PRIM2: variants seen among roughly 807,000 people sequenced by gnomAD.
The protein encoded by PRIM2 is DNA primase subunit 2.
Under a neutral mutation model 67.3 loss-of-function variants are expected in PRIM2, and 39 were observed. The ratio of observed to expected loss-of-function variants is 0.58; its 90% confidence interval spans 0.45 to 0.76. The LOEUF (loss-of-function observed/expected upper bound fraction) is 0.76. Among genes scored for constraint, PRIM2 ranks in the 30% least tolerant of loss-of-function variants. PRIM2 has a pLI of 0.00. For synonymous variants in PRIM2, 143 were observed against 198.7 expected (o/e 0.72, Z 2.36); for missense variants, 398 against 598.7 (o/e 0.66, Z 3.50).
intron 10 of PRIM2, among the ~76,000 whole-genome samples, chr6:57,547,497 A>G (rs1234077531): frequency 6.6e-6 from 1 of 152,202 alleles, no homozygotes; most frequent in African/African-American, 2.4e-5. Context: ...CTCTATTTAA[A>G]GTATGAATAC....
chr6:57,563,622 G>A (rs1335757836), intron 10 of PRIM2, among the ~76,000 whole-genome samples: 16 of 152,144 alleles, frequency 1.1e-4, no homozygotes, highest in African/African-American at 3.9e-4. Flanking sequence ...CACTTTATCT[G>A]ACTTGTATAT....
intron 7 of PRIM2, among the ~76,000 whole-genome samples, chr6:57,469,199 G>A (rs1201519805): frequency 7.2e-5 from 11 of 152,236 alleles, no homozygotes; most frequent in African/African-American, 2.7e-4. Flanking sequence ...GCCATCCTGA[G>A]CCTGAGTTTC....
chr6:57,592,723 G>A (rs1471133636), intron 10 of PRIM2, among the ~76,000 whole-genome samples: 276 of 151,962 alleles, frequency 1.8e-3, no homozygotes, highest in African/African-American at 6.3e-3. Context: ...CCTGGGAGGC[G>A]GAGGTCTCAG....
chr6:57,226,109 G>A, the PRIM2 span, among the ~76,000 whole-genome samples: 3 of 152,040 alleles, frequency 2.0e-5, no homozygotes, highest in Non-Finnish European at 4.4e-5. Context: ...TTCAGTAATA[G>A]ACAAAAGGCA....
At chr6:57,356,277 C>T (rs1444993011) in intron 5 of PRIM2, among the ~76,000 whole-genome samples, 1 of 152,154 alleles carries the variant, frequency 6.6e-6, no homozygotes, top group Non-Finnish European at 1.5e-5. Flanking sequence ...ATAGTATTAC[C>T]TCATAACTTT....
At chr6:57,328,382 C>G (rs1404929890) in intron 5 of PRIM2, among the ~76,000 whole-genome samples, 2 of 152,202 alleles carry the variant, frequency 1.3e-5, no homozygotes, top group Non-Finnish European at 2.9e-5. Flanking sequence ...TTGGCAACCA[C>G]TAACCTGCTT....
intron 8 of PRIM2, among the ~76,000 whole-genome samples, chr6:57,529,044 C>T (rs1774828722): frequency 6.6e-6 from 1 of 152,200 alleles, no homozygotes; most frequent in Non-Finnish European, 1.5e-5. Context: ...GGCGCAGTGG[C>T]TCACGCCTGT....
intron 7 of PRIM2, among the ~76,000 whole-genome samples, chr6:57,398,458 G>C (rs1770597609): frequency 1.3e-5 from 2 of 152,118 alleles, no homozygotes; most frequent in Non-Finnish European, 2.9e-5. Flanking sequence ...ACATGGTTTT[G>C]GGTGATTTTC....
rs1468355548 is a variant in PRIM2 at position 57,640,955 on chromosome 6, C to T, written c.1300-4973C>T. 4.1e-5 allele frequency among the ~76,000 whole-genome samples: 6 copies of T among 146,910 alleles called. No individual in the cohort carries two copies. The East Asian group carries it at 6.1e-4, about 15-fold the overall frequency. On this transcript the variant is annotated intron_variant, in intron 13 of 13. Transcript: ENST00000615550. Reference sequence around the variant, plus strand: ...AAGCAAAAAAACAAAAAAAAAACAACGCTAGAGGCATCACGCTACCTGACT... The same window carrying T: ...AAGCAAAAAAACAAAAAAAAAACAATGCTAGAGGCATCACGCTACCTGACT...
intron 13 of PRIM2, 120 bp from the exon 14 acceptor site, chr6:57,645,808 A>G: frequency 1.6e-6 from 1 of 632,382 alleles, no homozygotes; most frequent in Non-Finnish European, 2.8e-6. Flanking sequence ...TTAGAATGCA[A>G]ACAGCTAGAA....
chr6:57,245,235 C>T, the PRIM2 span, among the ~76,000 whole-genome samples: 17 of 152,136 alleles, frequency 1.1e-4, no homozygotes, highest in Admixed American at 9.2e-4. Flanking sequence ...TTGATGACTT[C>T]CATGCTGCTG....
intron 5 of PRIM2, among the ~76,000 whole-genome samples, chr6:57,341,516 T>C (rs1452506985): frequency 6.6e-6 from 1 of 152,108 alleles, no homozygotes; most frequent in Non-Finnish European, 1.5e-5. Context: ...TACTGGTAAT[T>C]AAGGCACTTG....
intron 8 of PRIM2, among the ~76,000 whole-genome samples, chr6:57,509,211 G>T (rs1581960652): frequency 6.6e-6 from 1 of 151,194 alleles, no homozygotes; most frequent in African/African-American, 2.4e-5. Context: ...CGAAGAAGTC[G>T]TAACCTTTGT....
chr6:57,390,853 A>C (rs1361891122), intron 7 of PRIM2, among the ~76,000 whole-genome samples: 3 of 152,136 alleles, frequency 2.0e-5, no homozygotes, highest in Non-Finnish European at 4.4e-5. Flanking sequence ...ACATTGGTGT[A>C]CATATGTCTT....
chr6:57,267,951 A>C, the PRIM2 span, among the ~76,000 whole-genome samples: 1 of 151,978 alleles, frequency 6.6e-6, no homozygotes, highest in Non-Finnish European at 1.5e-5. Context: ...TTGTAAAAGT[A>C]AGGTTGTTGA....
At chr6:57,535,344 T>C (rs1214236546) in intron 9 of PRIM2, among the ~76,000 whole-genome samples, 34 of 152,300 alleles carry the variant, frequency 2.2e-4, no homozygotes, top group Admixed American at 1.2e-3. Context: ...GTAGTAATAA[T>C]ATACTGGGCT....
intron 7 of PRIM2, among the ~76,000 whole-genome samples, chr6:57,428,161 G>A (rs1448572096): frequency 6.6e-6 from 1 of 152,000 alleles, no homozygotes; most frequent in Non-Finnish European, 1.5e-5. Flanking sequence ...ACCTTGGAAA[G>A]TGTTTTTTTG....
At position 57,361,155 on chromosome 6, in the gene PRIM2, AG is replaced by A. The variant is rs1367245315; in HGVS notation, c.460-18745del. On this transcript the variant is annotated intron_variant, in intron 5 of 13. Coordinates refer to ENST00000615550, the MANE Select transcript of PRIM2 (RefSeq NM_000947.5). ...AGCTCTTATATTGTATTTCTAATGT[AG>A]AGGAATAGAAGGAAAGCTATGGATG... is the stretch of plus-strand genomic sequence containing the variant. Among the ~76,000 whole-genome samples, 6 of 152,282 alleles carry A rather than the reference AG, an allele frequency of 3.9e-5. No homozygotes were observed. The South Asian group carries it at 6.2e-4, about 16-fold the overall frequency.
At chr6:57,487,314 G>T (rs1418796298) in intron 7 of PRIM2, among the ~76,000 whole-genome samples, 5 of 151,990 alleles carry the variant, frequency 3.3e-5, no homozygotes, top group African/African-American at 1.2e-4. Flanking sequence ...ACTGCAACCC[G>T]GGCCTCCCAG....
Sources: gnomAD v4.1 joint callset for allele counts (sites outside exome capture counted in the v4.1 genomes callset) on GRCh38, gnomAD v4.1.1 for gene constraint, MANE v1.5 for transcripts, NCBI Gene and HGNC (gene_info 2026-07-23, HGNC 2026-07-21) for gene names.